The following MFAP3L variants were observed in gnomAD, a reference collection of about 807,000 sequenced individuals.
The protein encoded by MFAP3L is microfibril associated protein 3 like, also known as microfibrillar-associated protein 3-like.
MFAP3L carries 5 observed loss-of-function variants against 20.0 expected under a neutral mutation model. That is an observed-to-expected ratio of 0.25 (90% CI 0.13 to 0.53). MFAP3L has a LOEUF of 0.53. Ranked by LOEUF, MFAP3L falls within the 20% of genes least tolerant of loss-of-function variation. The probability of loss-of-function intolerance (pLI) is 0.96; values close to 1 mark genes in which losing one functional copy is unlikely to be tolerated. For synonymous variants in MFAP3L, 219 were observed against 213.0 expected (o/e 1.03, Z -0.25); for missense variants, 409 against 527.5 (o/e 0.78, Z 2.20).
At chr4:169,999,217 G>A (rs994842590) in intron 2 of MFAP3L, among the ~76,000 whole-genome samples, 1 of 152,182 alleles carries the variant, frequency 6.6e-6, no homozygotes, top group Non-Finnish European at 1.5e-5. Flanking sequence ...TCTTCAGAGA[G>A]GACTAGGGCA....
upstream of MFAP3L, chr4:170,026,742 A>G (rs1022366030): frequency 6.6e-6 from 1 of 152,288 alleles, no homozygotes; most frequent in Non-Finnish European, 1.5e-5. Context: ...CGGGGCTTCC[A>G]CCGCAACTTC....
At chr4:170,013,494 T>G (rs1461060500) in intron 1 of MFAP3L, among the ~76,000 whole-genome samples, 1 of 151,820 alleles carries the variant, frequency 6.6e-6, no homozygotes, top group Non-Finnish European at 1.5e-5. Context: ...TTGGAAAAAC[T>G]TGGATGTATT....
At chr4:169,998,678 G>A (rs1248504464) in intron 2 of MFAP3L, among the ~76,000 whole-genome samples, 2 of 152,078 alleles carry the variant, frequency 1.3e-5, no homozygotes, top group Admixed American at 6.6e-5. Context: ...AGTGATGGAC[G>A]TATGGTTTGT....
chr4:170,018,775 AAAAC>A (rs1739852311), intron 1 of MFAP3L, among the ~76,000 whole-genome samples: 1 of 152,234 alleles, frequency 6.6e-6, no homozygotes, highest in Non-Finnish European at 1.5e-5. Flanking sequence ...ACCTTGAAGA[AAAAC>A]AAAACGACAA....
intron 2 of MFAP3L, among the ~76,000 whole-genome samples, chr4:169,993,324 C>G (rs1737877214): frequency 6.6e-6 from 1 of 152,120 alleles, no homozygotes; most frequent in African/African-American, 2.4e-5. Context: ...TTGGGGAGTT[C>G]TAAGGAACAG....
At chr4:170,012,320 A>G (rs1739433685) in intron 1 of MFAP3L, among the ~76,000 whole-genome samples, 1 of 152,232 alleles carries the variant, frequency 6.6e-6, no homozygotes, top group Admixed American at 6.5e-5. Flanking sequence ...AGACCTCCTG[A>G]CCAGTGGCAC....
intron 2 of MFAP3L, among the ~76,000 whole-genome samples, chr4:169,995,996 T>C (rs1222288839): frequency 1.3e-5 from 2 of 151,184 alleles, no homozygotes; most frequent in Non-Finnish European, 2.9e-5. Context: ...TTGAGCAGAC[T>C]GTAGCCCCGC....
intron 1 of MFAP3L, among the ~76,000 whole-genome samples, chr4:170,025,571 C>G (rs1030324062): frequency 6.6e-6 from 1 of 152,130 alleles, no homozygotes; most frequent in South Asian, 2.1e-4. Context: ...GCTTAATGAT[C>G]AAGCTTAAAA....
At position 169,986,959 on chromosome 4, in the gene MFAP3L, C is replaced by G. The variant is rs545743717; in HGVS notation, c.*4419G>C. The G allele has an allele frequency of 2.0e-5, 3 of 152,222 alleles. No homozygotes were observed. The highest frequency in any genetic ancestry group is 4.1e-4 in the South Asian group (2 of 4,824). 9.4% of individuals were successfully genotyped at this position (152,222 alleles called of 1,614,324 possible). ...AATTTATGCCAGAATATTCTTAGAA[C>G]TATTTACTTTCTATTTTTACATTCT... is the stretch of plus-strand genomic sequence containing the variant. On this transcript the variant is annotated 3_prime_UTR_variant, in exon 3 of 3. Transcript: ENST00000361618.
chr4:169,991,082 C>T lies in MFAP3L; in HGVS notation c.*296G>A, dbSNP rs903494864. ...TATCTTACAGTGGTGTACTCTTTGC[C>T]AAGAAGGCATCACCAATTAAGGTAT... On this transcript the variant is annotated 3_prime_UTR_variant, in exon 3 of 3. Coordinates refer to ENST00000361618, the MANE Select transcript of MFAP3L (RefSeq NM_021647.8). The surrounding 1 kb of genome is among the most constrained non-coding windows in gnomAD (Gnocchi z 4.9). The T allele has an allele frequency of 1.4e-5, 6 of 425,980 alleles. No individual in the cohort carries two copies. Among genetic ancestry groups the T allele is most frequent in the African/African-American group, 2.0e-5 (1 of 50,388 alleles). The allele number at this position is 425,980 out of a possible 1,614,324, so 26.4% of individuals were successfully genotyped here.
chr4:169,994,995 G>A (rs1738032296), intron 2 of MFAP3L: 2 of 151,630 alleles, frequency 1.3e-5, no homozygotes, highest in African/African-American at 4.9e-5. Flanking sequence ...TAACCATCTA[G>A]TTAAATGAGA....
rs1737872108 is a variant in MFAP3L, at chr4:169,993,285, T to C, written c.299-976A>G. ...CCTACTACCTCCCTGGACTGTCCCA[T>C]AGAGCAAATGAAGATCCCAGTTAGG... On this transcript the variant is annotated intron_variant, in intron 2 of 2. Transcript: ENST00000361618. Among the ~76,000 whole-genome samples the C allele has an allele frequency of 2.6e-5, 4 of 152,258 alleles. No homozygotes were observed. In the South Asian group the frequency reaches 6.2e-4, roughly 24 times the overall value.
At chr4:170,010,808 C>T (rs59303844) in intron 1 of MFAP3L, among the ~76,000 whole-genome samples, 9 of 150,318 alleles carry the variant, frequency 6.0e-5, no homozygotes, top group African/African-American at 1.2e-4. Context: ...CACTGCATTG[C>T]GGGGGGGTGG....
chr4:169,999,807 T>C (rs1185906249), intron 2 of MFAP3L, among the ~76,000 whole-genome samples: 1 of 152,236 alleles, frequency 6.6e-6, no homozygotes, highest in Non-Finnish European at 1.5e-5. Flanking sequence ...GGATCTACTT[T>C]GGAACGATTC....
chr4:170,013,839 G>C (rs966915893), intron 1 of MFAP3L, among the ~76,000 whole-genome samples: 1 of 152,182 alleles, frequency 6.6e-6, no homozygotes, highest in Non-Finnish European at 1.5e-5. Context: ...AGGCTGGAGT[G>C]CAGTGGCACC....
intron 1 of MFAP3L, among the ~76,000 whole-genome samples, chr4:170,024,406 G>A (rs991761233): frequency 1.3e-5 from 2 of 152,196 alleles, no homozygotes; most frequent in African/African-American, 4.8e-5. Context: ...CCAAGGCTAA[G>A]GGGAGACTCT....
At chr4:170,026,118 C>G (rs1490317071) in intron 1 of MFAP3L, 116 bp downstream of exon 1, 1 of 539,866 alleles carries the variant, frequency 1.9e-6, no homozygotes, top group African/African-American at 2.1e-5. Context: ...GCAGTCTCAG[C>G]CAGCCCAAAC....
At chr4:170,020,194 A>G (rs28605748) in intron 1 of MFAP3L, among the ~76,000 whole-genome samples, 2,801 of 152,196 alleles carry the variant, frequency 0.018, 94 homozygotes, top group African/African-American at 0.063. Context: ...AGATGCTCAG[A>G]CCCCACTATC....
rs114283916 is a variant in MFAP3L, at chr4:169,993,271, C to T, written c.299-962G>A. The stretch of plus-strand genomic sequence containing the variant: ...AGCCCTTCTGAAACCCTACTACCTC[C>T]CTGGACTGTCCCATAGAGCAAATGA... On this transcript the variant is annotated intron_variant, in intron 2 of 2. Coordinates refer to ENST00000361618, the MANE Select transcript of MFAP3L (RefSeq NM_021647.8). 1.3e-3 allele frequency among the ~76,000 whole-genome samples: 197 copies of T among 152,274 alleles called. 5 individuals are homozygous for T. The highest frequency in any genetic ancestry group is 4.6e-3 in the African/African-American group (192 of 41,538).
Sources: gnomAD v4.1 joint callset for allele counts (sites outside exome capture counted in the v4.1 genomes callset) on GRCh38, gnomAD v4.1.1 for gene constraint, Gnocchi (gnomAD v3.1) non-coding constraint, MANE v1.5 for transcripts, NCBI Gene and HGNC (gene_info 2026-07-23, HGNC 2026-07-21) for gene names.